ABCB1: variants seen among roughly 807,000 people sequenced by gnomAD.
ABCB1 encodes ATP binding cassette subfamily B member 1.
Under a neutral mutation model 142.0 loss-of-function variants are expected in ABCB1, and 69 were observed. The ratio of observed to expected loss-of-function variants is 0.49; its 90% CI spans 0.40 to 0.59. The LOEUF (loss-of-function observed/expected upper bound fraction) is 0.59. Ranked by LOEUF, ABCB1 falls within the 20% of genes least tolerant of loss-of-function variation. The pLI is 0.00. For synonymous variants in ABCB1, 532 were observed against 539.2 expected, an observed-to-expected ratio of 0.99 and a Z score of 0.18; for missense variants, 1,326 against 1,554.7, an observed-to-expected ratio of 0.85 and a Z score of 2.47.
chr7:87,544,684 A>C, intron 16 of ABCB1, 139 bp downstream of exon 16: 3 of 828,318 alleles, frequency 3.6e-6, no homozygotes, highest in Non-Finnish European at 5.8e-6. Context: ...CCTGATTCTA[A>C]AATGTTGACA....
intron 6 of ABCB1, 25 bp downstream of exon 6, chr7:87,566,760 G>A: frequency 6.2e-7 from 1 of 1,610,662 alleles, no homozygotes; most frequent in Non-Finnish European, 8.5e-7. Context: ...CGACACCCAA[G>A]TTCAACATAA....
chr7:87,510,742 G>A (rs2117072098), intron 25 of ABCB1, among the ~76,000 whole-genome samples: 1 of 152,104 alleles, frequency 6.6e-6, no homozygotes, highest in East Asian at 1.9e-4. Context: ...GCAGGTGCAG[G>A]GATGGAAGCT....
intron 1 of ABCB1, chr7:87,693,893 A>G: frequency 1.4e-6 from 2 of 1,462,362 alleles, no homozygotes; most frequent in Non-Finnish European, 1.9e-6. Flanking sequence ...TGTTGTTGTT[A>G]TTTTTTTTTT....
chr7:87,565,575 G>A (rs1817751887), intron 7 of ABCB1: 1 of 385,224 alleles, frequency 2.6e-6, no homozygotes, highest in Non-Finnish European at 5.2e-6. Flanking sequence ...GTGTTTGAAT[G>A]CTGACAAAAC....
intron 1 of ABCB1, among the ~76,000 whole-genome samples, chr7:87,685,958 A>G (rs73705301): frequency 0.016 from 2,467 of 152,330 alleles, 72 homozygotes; most frequent in African/African-American, 0.056. Flanking sequence ...CACAGAGCCC[A>G]GTAAAAAGAA....
intron 21 of ABCB1, among the ~76,000 whole-genome samples, chr7:87,526,287 A>C (rs1464515652): frequency 6.6e-6 from 1 of 151,682 alleles, no homozygotes; most frequent in Admixed American, 6.6e-5. Flanking sequence ...TCGTTTTAGG[A>C]TTACAGACTT....
intron 1 of ABCB1, among the ~76,000 whole-genome samples, chr7:87,625,320 A>G (rs1820372892): frequency 1.3e-5 from 2 of 152,192 alleles, no homozygotes; most frequent in Non-Finnish European, 2.9e-5. Context: ...GAGTTTTACT[A>G]AGTTTTCAGT....
At chr7:87,546,111 C>T in intron 14 of ABCB1, 87 bp from the exon 15 acceptor site, 4 of 1,357,192 alleles carry the variant, frequency 2.9e-6, no homozygotes, top group Non-Finnish European at 4.2e-6. Context: ...TGAACCAATG[C>T]TGTGGGCATT....
intron 1 of ABCB1, chr7:87,629,188 G>T: frequency 2.6e-6 from 1 of 382,630 alleles, no homozygotes; most frequent in Non-Finnish European, 4.6e-6. Context: ...AGCTTGGGGC[G>T]GGGCTGGAGG....
chr7:87,575,336 A>G lies in ABCB1; in HGVS notation c.287-5113T>C, dbSNP rs185227043. Among the ~76,000 whole-genome samples the G allele has an allele frequency of 1.2e-3, 181 of 152,338 alleles. 3 individuals carry two copies. Among genetic ancestry groups the G allele is most frequent in the Non-Finnish European group, 1.2e-3 (80 of 68,034 alleles). ...AATTATATTGAAAAGGTGGTTTTCA[A>G]ACTGTCTTCCACAGAGACTTCATGC... On this transcript the variant is annotated intron_variant, in intron 4 of 27. Coordinates refer to ENST00000622132, the MANE Select transcript of ABCB1 (RefSeq NM_001348946.2).
Position 87,519,389 on chromosome 7 carries a change from C to T in ABCB1, c.2864G>A (p.Gly955Glu). Reference sequence around the variant, plus strand: ...CAAGTAGGCTCCAAACCGGAAACATCCAGCATAGGAAAAATACATCATTGC... The same window carrying T: ...CAAGTAGGCTCCAAACCGGAAACATTCAGCATAGGAAAAATACATCATTGC... ...TQAMMYFSYA[G>E]CFRFGAYLVA... Residue 955 changes from glycine to glutamate, a missense_variant, in exon 23 of 28, where the codon GGA becomes GAA. Transcript: ENST00000622132. 1 of 1,614,134 alleles carries T rather than the reference C, an allele frequency of 6.2e-7. No individual in the cohort carries two copies. Among genetic ancestry groups the T allele is most frequent in the South Asian group, 1.1e-5 (1 of 91,076 alleles).
At chr7:87,536,627 T>C in intron 19 of ABCB1, 86 bp from the exon 20 acceptor site, 1 of 1,128,660 alleles carries the variant, frequency 8.9e-7, no homozygotes. Flanking sequence ...TCAGTTTTGT[T>C]TATACTTATA....
intron 5 of ABCB1, among the ~76,000 whole-genome samples, chr7:87,568,242 C>CAATAATAATAAT (rs112610351): frequency 5.2e-4 from 71 of 135,956 alleles, no homozygotes; most frequent in African/African-American, 1.8e-3. Context: ...AAAAATACGA[C>CAATAATAATAAT]AATAATAATA....
chr7:87,568,239 C>T (rs996184937), intron 5 of ABCB1, among the ~76,000 whole-genome samples: 5 of 115,270 alleles, frequency 4.3e-5, no homozygotes, highest in East Asian at 4.3e-4. Context: ...ACTAAAAATA[C>T]GACAATAATA....
chr7:87,545,536 T>A (rs1563044671), intron 15 of ABCB1, among the ~76,000 whole-genome samples: 1 of 152,210 alleles, frequency 6.6e-6, no homozygotes, highest in Non-Finnish European at 1.5e-5. Context: ...TACTAAGTCT[T>A]CAGAACAAGA....
chr7:87,674,738 C>T (rs948268149), intron 1 of ABCB1, among the ~76,000 whole-genome samples: 4 of 152,098 alleles, frequency 2.6e-5, no homozygotes. Flanking sequence ...CCTGGTTGGG[C>T]ATCTGAGGCC....
chr7:87,701,063 A>G (rs1313843040), intron 1 of ABCB1, among the ~76,000 whole-genome samples: 4 of 152,224 alleles, frequency 2.6e-5, no homozygotes, highest in Non-Finnish European at 4.4e-5. Context: ...TCTTTTTAAT[A>G]TCCTGAGTAA....
At chr7:87,651,715 C>T (rs1343584741) in intron 1 of ABCB1, among the ~76,000 whole-genome samples, 3 of 152,078 alleles carry the variant, frequency 2.0e-5, no homozygotes, top group East Asian at 1.9e-4. Flanking sequence ...GCATCTCAGG[C>T]GTACTGTGAA....
intron 3 of ABCB1, among the ~76,000 whole-genome samples, chr7:87,591,014 T>C (rs371588443): frequency 7.2e-5 from 11 of 152,324 alleles, no homozygotes; most frequent in African/African-American, 2.4e-4. Flanking sequence ...TATATTTCTT[T>C]ACATGATAAA....
Sources: allele counts gnomAD v4.1 joint callset (sites outside exome capture counted in the v4.1 genomes callset), GRCh38; gene constraint gnomAD v4.1.1; transcripts MANE v1.5; gene names NCBI Gene and HGNC (gene_info 2026-07-23, HGNC 2026-07-21).